Variants in CACNA1C observed in about 807,000 individuals in gnomAD.
CACNA1C encodes the protein calcium voltage-gated channel subunit alpha1 C, also known as voltage-dependent L-type calcium channel subunit alpha-1C.
A neutral mutation model predicts 229.0 loss-of-function variants in CACNA1C; 30 were observed. That is an observed-to-expected ratio of 0.13 (90% CI 0.10 to 0.18). CACNA1C has a LOEUF of 0.18. Ranked by LOEUF, CACNA1C falls within the 10% of genes least tolerant of loss-of-function variation. The probability of loss-of-function intolerance (pLI) is 1.00; values close to 1 mark genes in which losing one functional copy is unlikely to be tolerated. For synonymous variants in CACNA1C, 1,114 were observed against 1,132.5 expected (o/e 0.98, Z 0.33); for missense variants, 1,658 against 2,845.0 (o/e 0.58, Z 9.49).
At chr12:2,154,838 G>T (rs1360121759) in intron 3 of CACNA1C, among the ~76,000 whole-genome samples, 3 of 152,154 alleles carry the variant, frequency 2.0e-5, no homozygotes, top group African/African-American at 7.2e-5. Flanking sequence ...CAATGATACA[G>T]AAGCTCCCCG....
At position 2,665,143 on chromosome 12, in the gene CACNA1C, A is replaced by C. The variant is rs1321317865; in HGVS notation, c.4398+153A>C. Among the ~76,000 whole-genome samples, 1 of 152,240 alleles carries C rather than the reference A, an allele frequency of 6.6e-6. No homozygotes were observed. Among genetic ancestry groups the C allele is most frequent in the Non-Finnish European group, 1.5e-5 (1 of 68,030 alleles). On this transcript the variant is annotated intron_variant, in intron 35 of 46. Coordinates refer to ENST00000399655, the MANE Select transcript of CACNA1C (RefSeq NM_000719.7). The surrounding 1 kb of genome is among the most constrained non-coding windows in gnomAD (Gnocchi z 5.9). ...TTGGCAGGAGTGTCCAGCCACATGG[A>C]GAGAAAGGCAGAAAGCCCTGGGCCA...
intron 3 of CACNA1C, among the ~76,000 whole-genome samples, chr12:2,155,840 G>A (rs997566028): frequency 1.3e-5 from 2 of 152,174 alleles, no homozygotes; most frequent in Non-Finnish European, 2.9e-5. Context: ...ATTATGCTCC[G>A]TGCTTGAGAG....
intron 29 of CACNA1C, among the ~76,000 whole-genome samples, chr12:2,624,942 C>G (rs756668099): frequency 6.6e-6 from 1 of 152,226 alleles, no homozygotes; most frequent in East Asian, 1.9e-4. Flanking sequence ...CCTTCGCCAT[C>G]GGCACAGAAT....
chr12:2,490,025 T>C (rs966790167), intron 6 of CACNA1C, among the ~76,000 whole-genome samples: 2 of 152,278 alleles, frequency 1.3e-5, no homozygotes, highest in African/African-American at 4.8e-5. Context: ...TTGTGTGTGT[T>C]CACATTTTTT....
chr12:2,619,511 C>T (rs989786005), intron 29 of CACNA1C, among the ~76,000 whole-genome samples: 4 of 152,334 alleles, frequency 2.6e-5, no homozygotes, highest in Admixed American at 2.6e-4. Context: ...TTCTGTCTCA[C>T]ACCATGAAAT....
chr12:2,267,225 C>T (rs150299584), intron 3 of CACNA1C, among the ~76,000 whole-genome samples: 7 of 152,232 alleles, frequency 4.6e-5, no homozygotes, highest in African/African-American at 1.7e-4. Flanking sequence ...CAAGGAGAAC[C>T]CGGGAAATTC....
chr12:2,426,220 G>A (rs1338611294), intron 3 of CACNA1C, among the ~76,000 whole-genome samples: 4 of 152,110 alleles, frequency 2.6e-5, no homozygotes, highest in Non-Finnish European at 5.9e-5. Flanking sequence ...AAAACTGGGG[G>A]GTCTAAATAT....
intron 1 of CACNA1C, among the ~76,000 whole-genome samples, chr12:2,022,178 G>A (rs1246343713): frequency 2.6e-5 from 4 of 152,290 alleles, no homozygotes; most frequent in East Asian, 1.9e-4. Flanking sequence ...ATGAGTGAGC[G>A]TGGGTGTGTG....
intron 3 of CACNA1C, among the ~76,000 whole-genome samples, chr12:2,361,725 T>G (rs2097563286): frequency 6.6e-6 from 1 of 152,200 alleles, no homozygotes; most frequent in Non-Finnish European, 1.5e-5. Context: ...CTATTATCTT[T>G]TGTTTTATTT....
chr12:2,504,629 G>T lies in CACNA1C; in HGVS notation c.1114-213G>T. On this transcript the variant is annotated intron_variant, in intron 7 of 46. Coordinates refer to ENST00000399655, the MANE Select transcript of CACNA1C (RefSeq NM_000719.7). This position sits in a 1 kb window ranked among gnomAD's most constrained non-coding sequence, Gnocchi z 6.8. ...TACATGCCCGGGGTCCTCAGGGATG[G>T]GACCCTGACAGGCCCAGGAAAACCA... is the stretch of plus-strand genomic sequence containing the variant. The T allele has an allele frequency of 1.2e-6, 1 of 846,392 alleles. No individual in the cohort carries two copies. 52.4% of individuals were successfully genotyped at this position (846,392 alleles called of 1,614,324 possible).
chr12:2,427,200 G>T (rs933859339), intron 3 of CACNA1C, among the ~76,000 whole-genome samples: 6 of 152,186 alleles, frequency 3.9e-5, no homozygotes, highest in African/African-American at 1.4e-4. Context: ...TGCAATGAAG[G>T]TTTATCAGCC....
chr12:2,679,721 C>T lies in CACNA1C; in HGVS notation c.5369C>T (p.Thr1790Ile). The T allele has an allele frequency of 6.2e-7, 1 of 1,608,130 alleles. No homozygotes were observed. The stretch of plus-strand genomic sequence containing the variant: ...GCCGGCTACCCCAGCACGGTCAGCA[C>T]TGTGGAGGGCCACGGGCCCCCCTTG... ...RPAGYPSTVS[T>I]VEGHGPPLSP... The change falls in exon 42 of 47, where the codon ACT becomes ATT. Residue 1790 changes from threonine (T) to isoleucine (I), a missense_variant. Around this residue, in one of 20 missense-constraint regions of CACNA1C, gnomAD observed 590 missense variants for 700.8 expected, o/e 0.84. Coordinates refer to ENST00000399655, the MANE Select transcript of CACNA1C (RefSeq NM_000719.7). This position sits in a 1 kb window ranked among gnomAD's most constrained non-coding sequence, Gnocchi z 5.5.
rs373395672 is a variant in CACNA1C, at chr12:2,490,115, T to C, written c.917-3075T>C. Among the ~76,000 whole-genome samples, 5 of 152,396 alleles carry C rather than the reference T, an allele frequency of 3.3e-5. No individual in the cohort carries two copies. The South Asian group carries it at 8.3e-4, about 25-fold the overall frequency. On this transcript the variant is annotated intron_variant, in intron 6 of 46. Coordinates refer to ENST00000399655, the MANE Select transcript of CACNA1C (RefSeq NM_000719.7). Reference sequence around the variant, plus strand: ...GCTTCTTAATTGTTCTCAAATCTTTTTCATTATTGTTCAAATCGGATTTTA... The same window carrying C: ...GCTTCTTAATTGTTCTCAAATCTTTCTCATTATTGTTCAAATCGGATTTTA...
At chr12:2,370,478 TATAACTC>T (rs1259352591) in intron 3 of CACNA1C, among the ~76,000 whole-genome samples, 1 of 152,226 alleles carries the variant, frequency 6.6e-6, no homozygotes, top group African/African-American at 2.4e-5. Context: ...TTAAATGTGT[TATAACTC>T]ATATGATGAG....
At chr12:1,991,454 A>G (rs111235089) in intron 1 of CACNA1C, 6,321 of 220,808 alleles carry the variant, frequency 0.029, 158 homozygotes, top group Middle Eastern at 0.062. Flanking sequence ...CAAAGAAGCA[A>G]GTGAAATTAA....
At chr12:2,612,157 C>T (rs2078155346) in intron 29 of CACNA1C, 144 bp downstream of exon 29, 2 of 625,484 alleles carry the variant, frequency 3.2e-6, no homozygotes, top group South Asian at 1.9e-5. Context: ...TGGTCAGTGC[C>T]CCAACTCCTA....
chr12:2,516,292 G>T (rs927145157), intron 9 of CACNA1C, among the ~76,000 whole-genome samples: 1 of 152,132 alleles, frequency 6.6e-6, no homozygotes, highest in South Asian at 2.1e-4. Flanking sequence ...GGAGTAAGGG[G>T]GTGAATGGTG....
At chr12:2,255,072 G>A (rs1214203462) in intron 3 of CACNA1C, among the ~76,000 whole-genome samples, 1 of 152,142 alleles carries the variant, frequency 6.6e-6, no homozygotes, top group African/African-American at 2.4e-5. Flanking sequence ...CAGATGCCAC[G>A]GCTGTGGATG....
intron 42 of CACNA1C, chr12:2,681,879 A>T (rs1353832811): frequency 1.2e-6 from 1 of 868,734 alleles, no homozygotes; most frequent in Non-Finnish European, 2.0e-6. Flanking sequence ...GGAGGCACTG[A>T]GCTGAGCTCA....
Sources: allele counts gnomAD v4.1 joint callset (sites outside exome capture counted in the v4.1 genomes callset), GRCh38; gene constraint gnomAD v4.1.1; regional missense constraint gnomAD v4.1.1; non-coding constraint Gnocchi (gnomAD v3.1); transcripts MANE v1.5; gene names NCBI Gene and HGNC (gene_info 2026-07-23, HGNC 2026-07-21).